CD96: variants seen among roughly 807,000 people sequenced by gnomAD.
The protein encoded by CD96 is CD96 molecule, also known as T-cell surface protein tactile.
A neutral mutation model predicts 71.3 loss-of-function variants in CD96; 70 were observed. The ratio of observed to expected loss-of-function variants is 0.98; its 90% CI spans 0.81 to 1.20. The LOEUF is 1.20. Among genes scored for constraint, CD96 ranks in the 50% most tolerant of loss-of-function variants. The pLI is 0.00. For synonymous variants in CD96, 248 were observed against 233.0 expected (o/e 1.06, Z -0.59); for missense variants, 742 against 677.5 (o/e 1.10, Z -1.06).
intron 8 of CD96, among the ~76,000 whole-genome samples, chr3:111,619,242 G>T (rs1938400001): frequency 7.2e-6 from 1 of 138,348 alleles, no homozygotes; most frequent in South Asian, 2.5e-4. Context: ...TGAATTTCCA[G>T]TGATAGCATA....
chr3:111,548,090 C>A (rs563568231), intron 2 of CD96, among the ~76,000 whole-genome samples: 4 of 152,298 alleles, frequency 2.6e-5, no homozygotes, highest in South Asian at 4.1e-4. Flanking sequence ...AGTTTACAAG[C>A]TAGTTGGGTA....
At chr3:111,600,700 G>T in intron 6 of CD96, 26 bp from the exon 7 acceptor site, 1 of 1,539,744 alleles carries the variant, frequency 6.5e-7, no homozygotes, top group Non-Finnish European at 9.0e-7. Context: ...TGTTAGTGTT[G>T]AACCATGTTC....
At chr3:111,579,592 C>G (rs1576343317) in intron 4 of CD96, 2 of 322,492 alleles carry the variant, frequency 6.2e-6, no homozygotes, top group East Asian at 1.5e-4. Context: ...CTGGTAAGAG[C>G]CTTCTTGCGG....
chr3:111,567,394 C>G (rs1298561361), intron 2 of CD96, 129 bp from the exon 3 acceptor site: 16 of 726,240 alleles, frequency 2.2e-5, no homozygotes, highest in South Asian at 9.5e-5. Flanking sequence ...GAGTTTGCCT[C>G]TCTTTTTCAT....
intron 8 of CD96, among the ~76,000 whole-genome samples, chr3:111,621,641 G>A (rs1938523531): frequency 6.6e-6 from 1 of 152,220 alleles, no homozygotes; most frequent in African/African-American, 2.4e-5. Context: ...TGATCCATAG[G>A]TTTGTAAAAT....
Position 111,600,794 on chromosome 3 carries a change from A to C in CD96, c.967A>C (p.Arg323=). 1 of 1,613,386 alleles carries C rather than the reference A, an allele frequency of 6.2e-7. No individual in the cohort carries two copies. Among genetic ancestry groups the C allele is most frequent in the Non-Finnish European group, 8.5e-7 (1 of 1,179,314 alleles). ...GFLELKSVLT[R]VHSNKPAQSD... ...TTTGGAACTGAAGTCTGTTTTAACA[A>C]GGGTACATAGTAATAAACCAGCCCA... The change falls in exon 7 of 14, where the codon AGG becomes CGG. Residue 323 remains arginine, a synonymous_variant. Coordinates refer to ENST00000352690, the MANE Select transcript of CD96 (RefSeq NM_005816.5).
chr3:111,645,266 A>G (rs1939776173), intron 12 of CD96, among the ~76,000 whole-genome samples: 1 of 152,216 alleles, frequency 6.6e-6, no homozygotes, highest in Non-Finnish European at 1.5e-5. Context: ...GACGTAACTC[A>G]GGAATGAAAA....
intron 7 of CD96, among the ~76,000 whole-genome samples, chr3:111,604,880 GA>G (rs369157548): frequency 8.7e-5 from 13 of 149,856 alleles, no homozygotes; most frequent in African/African-American, 3.2e-4. Context: ...TAGGTTAAAA[GA>G]AAAAAAGGGA....
At chr3:111,549,279 A>C (rs183492102) in intron 2 of CD96, among the ~76,000 whole-genome samples, 18 of 152,012 alleles carry the variant, frequency 1.2e-4, no homozygotes, top group African/African-American at 4.1e-4. Flanking sequence ...TCTATGGGGG[A>C]AGGAAGTTAT....
At chr3:111,576,577 G>A (rs1000865956) in intron 3 of CD96, among the ~76,000 whole-genome samples, 4 of 151,886 alleles carry the variant, frequency 2.6e-5, no homozygotes, top group Non-Finnish European at 5.9e-5. Context: ...ATTTGTCCCC[G>A]GTTCTGGGCC....
rs1316819027 is a variant in CD96 at position 111,651,830 on chromosome 3, C to T, written c.*2024C>T. The T allele has an allele frequency of 6.7e-6, 1 of 149,424 alleles. No homozygotes were observed. The highest frequency in any genetic ancestry group is 1.5e-5 in the Non-Finnish European group (1 of 67,738). 9.3% of individuals were successfully genotyped at this position (149,424 alleles called of 1,614,324 possible). ...CCGGGAGGCAGAGCTTGCAGTGAGCCGAGATTGTGCCACTGCACACTCCAA... is the reference window on the plus strand; with the variant it reads ...CCGGGAGGCAGAGCTTGCAGTGAGCTGAGATTGTGCCACTGCACACTCCAA... On this transcript the variant is annotated 3_prime_UTR_variant, in exon 14 of 14. Transcript: ENST00000352690.
chr3:111,644,224 A>T (rs561728386), intron 12 of CD96, among the ~76,000 whole-genome samples: 3 of 152,288 alleles, frequency 2.0e-5, no homozygotes, highest in African/African-American at 7.2e-5. Context: ...TGGGGAAAGG[A>T]CACCCTTTTC....
At chr3:111,626,608 C>G (rs1938776936) in intron 10 of CD96, among the ~76,000 whole-genome samples, 1 of 152,128 alleles carries the variant, frequency 6.6e-6, no homozygotes, top group Non-Finnish European at 1.5e-5. Context: ...ATTAGTACAT[C>G]TATGCATGAG....
At position 111,579,056 on chromosome 3, in the gene CD96, C is replaced by A; in HGVS notation, c.573C>A (p.Ile191=). ...ATAATGGAACTCAGGAAACACTTAT[C>A]TCCCAAAATCACCTCATCAGCAATT... The part of the protein sequence containing the change: ...VEDNGTQETL[I]SQNHLISNST... Residue 191 remains isoleucine (I), a synonymous_variant, in exon 4 of 14, where the codon ATC becomes ATA. Coordinates refer to ENST00000352690, the MANE Select transcript of CD96 (RefSeq NM_005816.5). The A allele has an allele frequency of 1.2e-6, 2 of 1,608,468 alleles. No homozygotes were observed. Among genetic ancestry groups the A allele is most frequent in the Non-Finnish European group, 1.7e-6 (2 of 1,174,784 alleles).
chr3:111,542,727 T>C (rs574755020), intron 1 of CD96, among the ~76,000 whole-genome samples: 126 of 152,340 alleles, frequency 8.3e-4, no homozygotes, highest in African/African-American at 3.0e-3. Flanking sequence ...GTACTCTCTT[T>C]CTTTTGGATA....
chr3:111,617,196 G>C (rs1485429035), intron 8 of CD96, among the ~76,000 whole-genome samples: 1 of 152,242 alleles, frequency 6.6e-6, no homozygotes, highest in African/African-American at 2.4e-5. Context: ...AACAGCCTGG[G>C]CTATGGAAGG....
intron 3 of CD96, 38 bp downstream of exon 3, chr3:111,567,685 C>G: frequency 6.4e-7 from 1 of 1,572,016 alleles, no homozygotes; most frequent in East Asian, 2.2e-5. Context: ...CCTCAATGGT[C>G]TTTAAACATT....
At chr3:111,550,264 G>T (rs1031646163) in intron 2 of CD96, among the ~76,000 whole-genome samples, 5 of 152,132 alleles carry the variant, frequency 3.3e-5, no homozygotes, top group Admixed American at 3.3e-4. Context: ...TTATGGAATG[G>T]AAGTCAGGCT....
intron 12 of CD96, among the ~76,000 whole-genome samples, chr3:111,641,262 A>G (rs1180045575): frequency 6.6e-6 from 1 of 152,224 alleles, no homozygotes; most frequent in Non-Finnish European, 1.5e-5. Flanking sequence ...CTCACCTAAC[A>G]CATAAGGACT....
Sources: gnomAD v4.1 joint callset for allele counts (sites outside exome capture counted in the v4.1 genomes callset) on GRCh38, gnomAD v4.1.1 for gene constraint, MANE v1.5 for transcripts, NCBI Gene and HGNC (gene_info 2026-07-23, HGNC 2026-07-21) for gene names.